DOP1B: variants seen among roughly 807,000 people sequenced by gnomAD.
DOP1B encodes protein DOP1B.
In DOP1B, 174 loss-of-function variants were observed where a neutral mutation model predicts 233.5. The ratio of observed to expected loss-of-function variants is 0.75; its 90% CI spans 0.66 to 0.85. The LOEUF (loss-of-function observed/expected upper bound fraction) is 0.85. Among genes scored for constraint, DOP1B ranks in the 40% least tolerant of loss-of-function variants. The probability of loss-of-function intolerance (pLI) is 0.00; values close to 1 mark genes in which losing one functional copy is unlikely to be tolerated. For missense variants in DOP1B, 2,652 were observed against 2,846.6 expected (o/e 0.93, Z 1.56); for synonymous variants, 1,190 against 1,185.6 (o/e 1.00, Z -0.08).
At chr21:36,243,276 G>T (rs184156806) in intron 18 of DOP1B, among the ~76,000 whole-genome samples, 3 of 151,666 alleles carry the variant, frequency 2.0e-5, no homozygotes, top group African/African-American at 7.3e-5. Context: ...TACCATGCCC[G>T]GCTCATGGCA....
chr21:36,202,143 C>T (rs1601407226), intron 4 of DOP1B, among the ~76,000 whole-genome samples: 1 of 152,264 alleles, frequency 6.6e-6, no homozygotes, highest in South Asian at 2.1e-4. Context: ...GCCGAGATTG[C>T]ACCACTGCAC....
At position 36,248,531 on chromosome 21, in the gene DOP1B, C is replaced by T. The variant is rs944282928; in HGVS notation, c.4961C>T (p.Thr1654Met). ...QKRPVDLLGA[T>M]KGSSSVYFKT... ...AGACCTGTCGATCTCCTAGGGGCCA[C>T]GAAGGGATCCTCTTCCGTTTACTTT... The change falls in exon 21 of 37, where the codon ACG becomes ATG. Residue 1654 changes from threonine to methionine, a missense_variant. This residue lies in a region of DOP1B where 2,617 missense variants were observed against 2,794.3 expected (regional missense o/e 0.94). Coordinates refer to ENST00000691173, the MANE Select transcript of DOP1B (RefSeq NM_001320714.2). 3.7e-6 allele frequency: 6 copies of T among 1,611,922 alleles called. No individual in the cohort carries two copies. Among genetic ancestry groups the T allele is most frequent in the East Asian group, 2.2e-5 (1 of 44,862 alleles).
At chr21:36,253,978 C>T (rs1277004012) in intron 23 of DOP1B, 69 bp downstream of exon 23, 3 of 1,544,776 alleles carry the variant, frequency 1.9e-6, no homozygotes, top group African/African-American at 1.4e-5. Flanking sequence ...ACTCTACTTC[C>T]TTATAAATCG....
At position 36,204,656 on chromosome 21, in the gene DOP1B, C is replaced by CTGTTTTT. The variant is rs1255662240; in HGVS notation, c.492-4058_492-4057insGTTTTTT. Among the ~76,000 whole-genome samples, 2 of 53,816 alleles carry CTGTTTTT rather than the reference C, an allele frequency of 3.7e-5. 1 individual carries two copies. The highest frequency in any genetic ancestry group is 2.6e-4 in the African/African-American group (2 of 7,574). The allele number at this position is 53,816 out of a possible 152,430, so 35.3% of individuals were successfully genotyped here. ...GAGCCACCCCTTTTGGCTGACATTT[C>CTGTTTTT]TATTTTTTTTTTTTTTTTGAGACAG... On this transcript the variant is annotated intron_variant, in intron 4 of 36. Transcript: ENST00000691173.
At chr21:36,236,526 C>T (rs2066828511) in intron 15 of DOP1B, among the ~76,000 whole-genome samples, 2 of 152,182 alleles carry the variant, frequency 1.3e-5, no homozygotes, top group African/African-American at 2.4e-5. Flanking sequence ...TGTAAATTCA[C>T]CAAACTCCCC....
Position 36,289,025 on chromosome 21 carries a change from G to A in DOP1B, c.6354-20G>A, listed in dbSNP as rs745366361. 29 of 1,609,364 alleles carry A rather than the reference G, an allele frequency of 1.8e-5. No individual in the cohort carries two copies. The highest frequency in any genetic ancestry group is 2.2e-5 in the Non-Finnish European group (26 of 1,178,338). ...AGATCTGAATGAATTTATAACAAGCGTTTCTTTGCAAATTTATAGAAGCAC... is the reference window on the plus strand; with the variant it reads ...AGATCTGAATGAATTTATAACAAGCATTTCTTTGCAAATTTATAGAAGCAC... On this transcript the variant is annotated intron_variant, in intron 34 of 36. Coordinates refer to ENST00000691173, the MANE Select transcript of DOP1B (RefSeq NM_001320714.2).
intron 2 of DOP1B, among the ~76,000 whole-genome samples, chr21:36,167,059 G>A (rs150378187): frequency 4.0e-4 from 61 of 152,338 alleles, no homozygotes; most frequent in African/African-American, 1.4e-3. Context: ...AAGGTGGATT[G>A]CTTTTTGAGG....
At chr21:36,232,292 T>C (rs1569038392) in intron 14 of DOP1B, among the ~76,000 whole-genome samples, 1 of 152,194 alleles carries the variant, frequency 6.6e-6, no homozygotes, top group Non-Finnish European at 1.5e-5. Flanking sequence ...CAATATTTTA[T>C]ATATTGGTTT....
chr21:36,269,957 C>T, intron 26 of DOP1B, 56 bp from the exon 27 acceptor site: 2 of 1,589,242 alleles, frequency 1.3e-6, no homozygotes, highest in Non-Finnish European at 1.7e-6. Context: ...GTTTTAGGCA[C>T]TTAACATTCT....
At chr21:36,227,503 CGA>C (rs1328760046) in intron 12 of DOP1B, among the ~76,000 whole-genome samples, 181 bp from the exon 13 acceptor site, 1 of 151,226 alleles carries the variant, frequency 6.6e-6, no homozygotes, top group Non-Finnish European at 1.5e-5. Flanking sequence ...GCCGAGATCG[CGA>C]CACTGCACTC....
chr21:36,161,885 T>C (rs2065872629), intron 1 of DOP1B, among the ~76,000 whole-genome samples: 1 of 152,230 alleles, frequency 6.6e-6, no homozygotes, highest in Admixed American at 6.5e-5. Flanking sequence ...TCTGGCGTCT[T>C]CCACTAAGCG....
At chr21:36,241,693 C>CTTTTTTTTTTTTTTTTTTA (rs2066893467) in intron 18 of DOP1B, among the ~76,000 whole-genome samples, 1 of 105,550 alleles carries the variant, frequency 9.5e-6, no homozygotes, top group Non-Finnish European at 1.8e-5. Flanking sequence ...TTCTTTCTTT[C>CTTTTTTTTTTTTTTTTTTA]TTTTTTTTTT....
intron 23 of DOP1B, among the ~76,000 whole-genome samples, chr21:36,260,466 C>CT (rs1341001264): frequency 6.6e-6 from 1 of 152,102 alleles, no homozygotes; most frequent in African/African-American, 2.4e-5. Context: ...CTGTAGAAGT[C>CT]TAAGGGGATG....
chr21:36,227,844 C>A lies in DOP1B; in HGVS notation c.1632C>A (p.Ser544=). 1 of 1,608,728 alleles carries A rather than the reference C, an allele frequency of 6.2e-7. No individual in the cohort carries two copies. Among genetic ancestry groups the A allele is most frequent in the Non-Finnish European group, 8.5e-7 (1 of 1,176,222 alleles). The change falls in exon 13 of 37, where the codon TCC becomes TCA. Residue 544 remains serine (S), a synonymous_variant. Coordinates refer to ENST00000691173, the MANE Select transcript of DOP1B (RefSeq NM_001320714.2). ...TCAGCAAAGTCCAGATGCCTCCTTC[C>A]TACCTCGACACGGAGTCCACCAGCG... ...KVLSKVQMPP[S]YLDTESTSGT...
At chr21:36,250,911 C>T (rs1601449784) in intron 21 of DOP1B, among the ~76,000 whole-genome samples, 1 of 152,316 alleles carries the variant, frequency 6.6e-6, no homozygotes, top group Non-Finnish European at 1.5e-5. Context: ...TCCGTCTCTC[C>T]ACCTTGGCTG....
intron 35 of DOP1B, 94 bp from the exon 36 acceptor site, chr21:36,292,010 G>T (rs2067564538): frequency 2.2e-6 from 3 of 1,382,488 alleles, no homozygotes; most frequent in South Asian, 3.0e-5. Flanking sequence ...ATATTAAATA[G>T]ATACAGTATG....
intron 10 of DOP1B, among the ~76,000 whole-genome samples, chr21:36,220,440 G>A (rs1386153585): frequency 2.0e-5 from 3 of 152,132 alleles, no homozygotes; most frequent in Non-Finnish European, 4.4e-5. Context: ...ATAGATGCCT[G>A]TCTTTTATTT....
chr21:36,168,853 T>C, intron 2 of DOP1B: 1 of 355,294 alleles, frequency 2.8e-6, no homozygotes, highest in Non-Finnish European at 5.2e-6. Context: ...TTTTTAAAAA[T>C]GATAACCATC....
chr21:36,227,399 T>A (rs758425920), intron 12 of DOP1B, among the ~76,000 whole-genome samples: 4 of 150,686 alleles, frequency 2.7e-5, no homozygotes, highest in Non-Finnish European at 3.0e-5. Context: ...TACAAAAAAT[T>A]AGCCGGGCGT....
Sources: gnomAD v4.1 joint callset for allele counts (sites outside exome capture counted in the v4.1 genomes callset) on GRCh38, gnomAD v4.1.1 for gene constraint, gnomAD v4.1.1 regional missense constraint, MANE v1.5 for transcripts, NCBI Gene and HGNC (gene_info 2026-07-23, HGNC 2026-07-21) for gene names.